PTPRD: variants seen among roughly 807,000 people sequenced by gnomAD.
PTPRD encodes the protein protein tyrosine phosphatase receptor type D, also known as receptor-type tyrosine-protein phosphatase delta.
Under a neutral mutation model 214.5 loss-of-function variants are expected in PTPRD, and 34 were observed. The ratio of observed to expected loss-of-function variants is 0.16; its 90% CI spans 0.12 to 0.21. PTPRD has a LOEUF of 0.21. Ranked by LOEUF, PTPRD falls within the 10% of genes least tolerant of loss-of-function variation. The pLI, the probability that PTPRD is intolerant of heterozygous loss-of-function variation, is 1.00. For synonymous variants in PTPRD, 1,128 were observed against 845.7 expected, an observed-to-expected ratio of 1.33 and a Z score of -5.79; for missense variants, 2,545 against 2,398.7, an observed-to-expected ratio of 1.06 and a Z score of -1.27.
chr9:9,043,569 C>G (rs1242521903), intron 10 of PTPRD, among the ~76,000 whole-genome samples: 1 of 152,088 alleles, frequency 6.6e-6, no homozygotes, highest in African/African-American at 2.4e-5. Flanking sequence ...GAAAAATGGT[C>G]TGACTTTGAA....
chr9:10,322,997 A>G (rs2096578710), intron 3 of PTPRD, among the ~76,000 whole-genome samples: 1 of 152,024 alleles, frequency 6.6e-6, no homozygotes, highest in Admixed American at 6.6e-5. Flanking sequence ...TTAGCATTAC[A>G]ACAAAATTAT....
chr9:10,044,554 T>A (rs1424753397), intron 3 of PTPRD, among the ~76,000 whole-genome samples: 1 of 151,820 alleles, frequency 6.6e-6, no homozygotes, highest in Non-Finnish European at 1.5e-5. Flanking sequence ...TTGAGAATTA[T>A]CAAATAATTT....
chr9:9,036,352 T>G (rs1246520534), intron 10 of PTPRD, among the ~76,000 whole-genome samples: 1 of 151,968 alleles, frequency 6.6e-6, no homozygotes, highest in Non-Finnish European at 1.5e-5. Flanking sequence ...AATAAGCAAG[T>G]GAAGACACTG....
At chr9:9,508,427 G>T (rs1412401) in intron 8 of PTPRD, among the ~76,000 whole-genome samples, 105,968 of 151,410 alleles carry the variant, frequency 0.7, 38,622 homozygotes, top group African/African-American at 0.91. Context: ...TGAAAGTAAA[G>T]ACAATTAGAT....
intron 9 of PTPRD, among the ~76,000 whole-genome samples, chr9:9,327,572 G>A (rs1397018100): frequency 6.6e-6 from 1 of 152,120 alleles, no homozygotes; most frequent in Non-Finnish European, 1.5e-5. Flanking sequence ...ATCCATGACA[G>A]ATAGTAATAA....
At chr9:10,030,942 G>A (rs1282644709) in intron 4 of PTPRD, among the ~76,000 whole-genome samples, 3 of 152,130 alleles carry the variant, frequency 2.0e-5, no homozygotes, top group African/African-American at 7.2e-5. Context: ...CTATTTAAGT[G>A]TTTGGTAGAT....
At position 9,663,650 on chromosome 9, in the gene PTPRD, G is replaced by T. The variant is rs200384924; in HGVS notation, c.-287+70883C>A. Among the ~76,000 whole-genome samples, 424 of 151,452 alleles carry T rather than the reference G, an allele frequency of 2.8e-3. 2 individuals carry two copies. The highest frequency in any genetic ancestry group is 9.7e-3 in the African/African-American group (400 of 41,412). ...ATCACTGACAACTCTCTCTCCTTCC[G>T]CTTCATATCCAAATGATCACTAACA... On this transcript the variant is annotated intron_variant, in intron 7 of 45. Coordinates refer to ENST00000381196, the MANE Select transcript of PTPRD (RefSeq NM_002839.4).
chr9:8,869,621 G>T (rs1374001045), intron 11 of PTPRD, among the ~76,000 whole-genome samples: 1 of 151,290 alleles, frequency 6.6e-6, no homozygotes, highest in Non-Finnish European at 1.5e-5. Flanking sequence ...TTATTGATTT[G>T]TTTTATTGCT....
intron 14 of PTPRD, among the ~76,000 whole-genome samples, chr9:8,562,101 G>A (rs1475523275): frequency 6.6e-6 from 1 of 152,162 alleles, no homozygotes; most frequent in Non-Finnish European, 1.5e-5. Flanking sequence ...GGAGATTGAA[G>A]ATGAAGGTAT....
At chr9:10,078,989 T>A (rs1263797071) in intron 3 of PTPRD, among the ~76,000 whole-genome samples, 1 of 152,038 alleles carries the variant, frequency 6.6e-6, no homozygotes, top group African/African-American at 2.4e-5. Flanking sequence ...TGAGTAGAAC[T>A]TTTTTTTCTT....
chr9:9,019,869 T>C (rs1274500975), intron 10 of PTPRD, among the ~76,000 whole-genome samples: 1 of 152,226 alleles, frequency 6.6e-6, no homozygotes, highest in East Asian at 1.9e-4. Flanking sequence ...GTGATTTTCA[T>C]TGAACTTGTT....
Position 8,482,817 on chromosome 9 carries a change from T to C in PTPRD, c.3413+1302A>G, listed in dbSNP as rs58648096. ...GCCGTATGGCACCACTGGGTGCCTT[T>C]AGTAATGGGCCTATGCACTTACCAC... On this transcript the variant is annotated intron_variant, in intron 30 of 45. Coordinates refer to ENST00000381196, the MANE Select transcript of PTPRD (RefSeq NM_002839.4). Among the ~76,000 whole-genome samples the C allele has an allele frequency of 3.7e-3, 558 of 152,308 alleles. 4 individuals are homozygous for C. The highest frequency in any genetic ancestry group is 0.013 in the African/African-American group (536 of 41,576).
chr9:9,783,033 C>G (rs990603339), intron 5 of PTPRD, among the ~76,000 whole-genome samples: 1 of 151,892 alleles, frequency 6.6e-6, no homozygotes, highest in African/African-American at 2.4e-5. Flanking sequence ...ATTATTCTGC[C>G]TTTATATGTA....
At chr9:9,693,549 T>C (rs897061385) in intron 7 of PTPRD, among the ~76,000 whole-genome samples, 1 of 152,186 alleles carries the variant, frequency 6.6e-6, no homozygotes, top group Non-Finnish European at 1.5e-5. Flanking sequence ...AATGGACTAA[T>C]ACAAGATCTA....
intron 9 of PTPRD, among the ~76,000 whole-genome samples, chr9:9,217,277 A>G (rs920821038): frequency 6.6e-6 from 1 of 152,176 alleles, no homozygotes; most frequent in African/African-American, 2.4e-5. Flanking sequence ...GGTCTTGTAT[A>G]AGAATTAAAT....
intron 7 of PTPRD, among the ~76,000 whole-genome samples, chr9:9,721,210 C>A (rs1446771351): frequency 6.6e-6 from 1 of 152,044 alleles, no homozygotes; most frequent in African/African-American, 2.4e-5. Flanking sequence ...AATAGAGGAT[C>A]ATGGAATATC....
chr9:9,807,111 A>T (rs1365679808), intron 5 of PTPRD, among the ~76,000 whole-genome samples: 4 of 152,134 alleles, frequency 2.6e-5, no homozygotes, highest in African/African-American at 9.7e-5. Flanking sequence ...AAATCTTTTA[A>T]TAAACTTTCA....
chr9:8,375,844 C>G (rs2083083554), intron 39 of PTPRD, 92 bp downstream of exon 39: 1 of 1,410,584 alleles, frequency 7.1e-7, no homozygotes, highest in Non-Finnish European at 9.6e-7. Flanking sequence ...AAGACATTTA[C>G]TATTCCAGAA....
At chr9:9,737,845 A>G (rs972367891) in intron 6 of PTPRD, among the ~76,000 whole-genome samples, 1 of 152,120 alleles carries the variant, frequency 6.6e-6, no homozygotes, top group Non-Finnish European at 1.5e-5. Context: ...CCTCCTGGGT[A>G]TATACTTAGG....
Sources: gnomAD v4.1 joint callset for allele counts (sites outside exome capture counted in the v4.1 genomes callset) on GRCh38, gnomAD v4.1.1 for gene constraint, MANE v1.5 for transcripts, NCBI Gene and HGNC (gene_info 2026-07-23, HGNC 2026-07-21) for gene names.